The following SPEG variants were observed in gnomAD, a reference collection of about 807,000 sequenced individuals.
SPEG encodes the protein striated muscle preferentially expressed protein kinase.
Under a neutral mutation model 300.4 loss-of-function variants are expected in SPEG, and 114 were observed. The observed-to-expected ratio is 0.38, with a 90% confidence interval of 0.33 to 0.44. SPEG has a LOEUF of 0.44. Ranked by LOEUF, SPEG falls within the 20% of genes least tolerant of loss-of-function variation. The pLI, the probability that SPEG is intolerant of heterozygous loss-of-function variation, is 1.00. For missense variants in SPEG, 4,201 were observed against 4,586.2 expected (o/e 0.92, Z 2.43); for synonymous variants, 1,964 against 2,018.9 (o/e 0.97, Z 0.73).
At chr2:219,460,582 G>A in intron 6 of SPEG, 2 of 985,482 alleles carry the variant, frequency 2.0e-6, no homozygotes, top group Non-Finnish European at 2.4e-6. Context: ...GTCAGGGTCT[G>A]AAGCTGTAAG....
Position 219,473,040 on chromosome 2 carries a change from T to C in SPEG, c.4091T>C (p.Val1364Ala), listed in dbSNP as rs774278488. The C allele has an allele frequency of 1.3e-5, 21 of 1,613,764 alleles. No individual in the cohort carries two copies. The Admixed American group carries it at 3.5e-4, about 27-fold the overall frequency. ...ATCTTCCGGGTCCTCAGCACCACTG[T>C]CAAGAGCAGCAGCAAGCCCTCACCC... ...QHIFRVLSTTVKSSSKPSPPS... is the reference protein window; with the variant it reads ...QHIFRVLSTTAKSSSKPSPPS... Residue 1364 changes from valine to alanine, a missense_variant, in exon 16 of 41, where the codon GTC becomes GCC. By Grantham distance (64) the Val-to-Ala change is moderately conservative (BLOSUM62 0). This residue lies in a region of SPEG where 1,047 missense variants were observed against 1,356.8 expected (regional missense o/e 0.77). Transcript: ENST00000312358. The surrounding 1 kb of genome is among the most constrained non-coding windows in gnomAD (Gnocchi z 4.6).
chr2:219,454,665 A>G (rs1395373120), intron 6 of SPEG, among the ~76,000 whole-genome samples: 1 of 152,250 alleles, frequency 6.6e-6, no homozygotes, highest in African/African-American at 2.4e-5. Context: ...AAAGTGAGGT[A>G]GAGCTAGCAC....
intron 1 of SPEG, among the ~76,000 whole-genome samples, chr2:219,437,904 G>C (rs1954759559): frequency 6.6e-6 from 1 of 152,184 alleles, no homozygotes; most frequent in Non-Finnish European, 1.5e-5. Flanking sequence ...GAGGACTTCA[G>C]GGTACTCGAG....
chr2:219,477,089 G>A lies in SPEG; in HGVS notation c.4560+107G>A, dbSNP rs1327107812. The A allele has an allele frequency of 9.1e-7, 1 of 1,104,444 alleles. No individual in the cohort carries two copies. Among genetic ancestry groups the A allele is most frequent in the Non-Finnish European group, 1.3e-6 (1 of 776,774 alleles). 68.4% of individuals were successfully genotyped at this position (1,104,444 alleles called of 1,614,324 possible). A position where few individuals can be genotyped will look rare whatever the true frequency, so the allele number is the denominator to read the frequency against. On this transcript the variant is annotated intron_variant, in intron 19 of 40. Transcript: ENST00000312358. This position sits in a 1 kb window ranked among gnomAD's most constrained non-coding sequence, Gnocchi z 6.4. ...AGGGCGGAGCCCGGGCAGAGGCGTG[G>A]TTAGGAGGAGGAAAGGGGCTGCAGA...
rs992005411 is a variant in SPEG, at chr2:219,458,005, A to T, written c.2441-3877A>T. On this transcript the variant is annotated intron_variant, in intron 6 of 40. Coordinates refer to ENST00000312358, the MANE Select transcript of SPEG (RefSeq NM_005876.5). This position sits in a 1 kb window ranked among gnomAD's most constrained non-coding sequence, Gnocchi z 4.2. ...TTACCTGCTGCTCTCTTGCTACCTCATACTTCCTGCTTGCTCTTGTAGTCA... is the reference window on the plus strand; with the variant it reads ...TTACCTGCTGCTCTCTTGCTACCTCTTACTTCCTGCTTGCTCTTGTAGTCA... 7.2e-5 allele frequency among the ~76,000 whole-genome samples: 11 copies of T among 151,806 alleles called. No homozygotes were observed. In the South Asian group the frequency reaches 2.3e-3, roughly 32 times the overall value.
chr2:219,464,860 C>A lies in SPEG; in HGVS notation c.2881+252C>A, dbSNP rs756040120. 1.0e-4 allele frequency: 50 copies of A among 476,362 alleles called. No individual in the cohort carries two copies. The South Asian group carries it at 1.3e-3, about 13-fold the overall frequency. 29.5% of individuals were successfully genotyped at this position (476,362 alleles called of 1,614,324 possible). ...CACCACCTTCCCTGTTGCTCCATCA[C>A]GGAGCCCTGGCGGCAGCCAGAGACC... On this transcript the variant is annotated intron_variant, in intron 9 of 40. Coordinates refer to ENST00000312358, the MANE Select transcript of SPEG (RefSeq NM_005876.5). This position sits in a 1 kb window ranked among gnomAD's most constrained non-coding sequence, Gnocchi z 4.5.
At position 219,483,227 on chromosome 2, in the gene SPEG, T is replaced by G; in HGVS notation, c.5764T>G (p.Ser1922Ala). Residue 1922 changes from serine (S) to alanine (A), a missense_variant, in exon 30 of 41, where the codon TCG becomes GCG. Transcript: ENST00000312358. ...PPPSGGLSSS[S>A]DSEEEELEEL... ...CCCCAGTGGGGGGCTCTCATCCTCC[T>G]CGGATTCTGAAGAGGAAGAGCTGGA... is the stretch of plus-strand genomic sequence containing the variant. 6.2e-7 allele frequency: 1 copy of G among 1,610,482 alleles called. No homozygotes were observed.
intron 36 of SPEG, among the ~76,000 whole-genome samples, chr2:219,490,204 G>A (rs2125595670): frequency 6.6e-6 from 1 of 152,360 alleles, no homozygotes; most frequent in Non-Finnish European, 1.5e-5. Context: ...GGTTAGAGAA[G>A]CTATGGGATT....
chr2:219,438,020 C>G (rs989391568), intron 1 of SPEG, among the ~76,000 whole-genome samples: 1 of 152,032 alleles, frequency 6.6e-6, no homozygotes, highest in Non-Finnish European at 1.5e-5. Flanking sequence ...CTCCTGAAGC[C>G]GGATATGTTA....
At position 219,444,190 on chromosome 2, in the gene SPEG, G is replaced by A. The variant is rs1454206327; in HGVS notation, c.389-463G>A. 11 of 611,806 alleles carry A rather than the reference G, an allele frequency of 1.8e-5. No homozygotes were observed. In the East Asian group the frequency reaches 2.0e-4, roughly 11 times the overall value. 37.9% of individuals were successfully genotyped at this position (611,806 alleles called of 1,614,324 possible). A position where few individuals can be genotyped will look rare whatever the true frequency, so the allele number is the denominator to read the frequency against. On this transcript the variant is annotated intron_variant, in intron 1 of 40. Transcript: ENST00000312358. The surrounding 1 kb of genome is among the most constrained non-coding windows in gnomAD (Gnocchi z 7.8). Reference sequence around the variant, plus strand: ...TTGGGGTAGAGGACAGGCTGGCCCCGCGGTTGGTCGAGTGCCCTGGCAGTA... The same window carrying A: ...TTGGGGTAGAGGACAGGCTGGCCCCACGGTTGGTCGAGTGCCCTGGCAGTA...
Position 219,481,443 on chromosome 2 carries a change from G to A in SPEG, c.5509G>A (p.Val1837Met), listed in dbSNP as rs1692830781. The A allele has an allele frequency of 6.2e-7, 1 of 1,614,092 alleles. No individual in the cohort carries two copies. The highest frequency in any genetic ancestry group is 1.1e-5 in the South Asian group (1 of 91,076). ...EARGFLIKVLVQDRLRPTAEE... is the reference protein window; with the variant it reads ...EARGFLIKVLMQDRLRPTAEE... ...CCGGGGCTTCCTCATCAAAGTGTTG[G>A]TGCAGGACCGGCTGTGAGTACAAGG... The change falls in exon 27 of 41, where the codon GTG (valine) becomes ATG (methionine). Residue 1837 changes from valine to methionine, a missense_variant. By Grantham distance (21) the Val-to-Met change is conservative. Coordinates refer to ENST00000312358, the MANE Select transcript of SPEG (RefSeq NM_005876.5). The surrounding 1 kb of genome is among the most constrained non-coding windows in gnomAD (Gnocchi z 5.4).
In SPEG at chr2:219,492,928, T is replaced by C; in HGVS notation, c.*142T>C. 3.3e-6 allele frequency: 3 copies of C among 910,234 alleles called. No individual in the cohort carries two copies. The highest frequency in any genetic ancestry group is 5.2e-6 in the Non-Finnish European group (3 of 576,490). 56.4% of individuals were successfully genotyped at this position (910,234 alleles called of 1,614,324 possible). On this transcript the variant is annotated 3_prime_UTR_variant, in exon 41 of 41. Transcript: ENST00000312358. ...AACATCTGGCTGGGCTCTTACCTCA[T>C]AGACCTTCAAGGACAGAGACCCCAG... is the stretch of plus-strand genomic sequence containing the variant.
chr2:219,476,077 C>T (rs1318312632), intron 18 of SPEG, among the ~76,000 whole-genome samples: 1 of 152,128 alleles, frequency 6.6e-6, no homozygotes, highest in East Asian at 1.9e-4. Flanking sequence ...GGCTCCTTTG[C>T]AAAGCACATT....
rs1452299537 is a variant in SPEG at position 219,445,477 on chromosome 2, G to C, written c.815+316G>C. 7.0e-6 allele frequency: 3 copies of C among 427,588 alleles called. No individual in the cohort carries two copies. Among genetic ancestry groups the C allele is most frequent in the African/African-American group, 6.1e-5 (3 of 49,084 alleles). 26.5% of individuals were successfully genotyped at this position (427,588 alleles called of 1,614,324 possible). A position where few individuals can be genotyped will look rare whatever the true frequency, so the allele number is the denominator to read the frequency against. On this transcript the variant is annotated intron_variant, in intron 3 of 40. Transcript: ENST00000312358. This position sits in a 1 kb window ranked among gnomAD's most constrained non-coding sequence, Gnocchi z 6.1. ...GCCCTCTTTTGCCTCACCCATTTGGGCTCCAGTTGTCCCCAGGATCCCTCC... is the reference window on the plus strand; with the variant it reads ...GCCCTCTTTTGCCTCACCCATTTGGCCTCCAGTTGTCCCCAGGATCCCTCC...
In SPEG at chr2:219,441,956, C is replaced by A. The variant is rs527925732; in HGVS notation, c.389-2697C>A. ...TCCGCCACCCGCGCCGGCTCCCGCCCGCTCCCCAGCTCGCCCCCGGCCCCG... is the reference window on the plus strand; with the variant it reads ...TCCGCCACCCGCGCCGGCTCCCGCCAGCTCCCCAGCTCGCCCCCGGCCCCG... On this transcript the variant is annotated intron_variant, in intron 1 of 40. Coordinates refer to ENST00000312358, the MANE Select transcript of SPEG (RefSeq NM_005876.5). The A allele has an allele frequency of 1.6e-4, 50 of 306,240 alleles. 1 individual carries two copies. The East Asian group carries it at 3.2e-3, about 20-fold the overall frequency. 19.0% of individuals were successfully genotyped at this position (306,240 alleles called of 1,614,324 possible).
rs116097057 is a variant in SPEG at position 219,493,396 on chromosome 2, C to T, written c.*610C>T. 1,106 of 369,112 alleles carry T rather than the reference C, an allele frequency of 3.0e-3. 12 individuals carry two copies. The highest frequency in any genetic ancestry group is 0.021 in the African/African-American group (994 of 47,430). 22.9% of individuals were successfully genotyped at this position (369,112 alleles called of 1,614,324 possible). A position where few individuals can be genotyped will look rare whatever the true frequency, so the allele number is the denominator to read the frequency against. On this transcript the variant is annotated 3_prime_UTR_variant, in exon 41 of 41. Transcript: ENST00000312358. ...CTGGAGGCCAGCAGTCACTCACACT[C>T]GCTCTGTCCTCCTGTCCAGTGGATA...
chr2:219,435,430 C>G, intron 1 of SPEG, 65 bp downstream of exon 1: 1 of 1,461,536 alleles, frequency 6.8e-7, no homozygotes, highest in Non-Finnish European at 9.0e-7. Flanking sequence ...AAGGGCTGCC[C>G]AGGCCACGCG....
chr2:219,458,365 A>G lies in SPEG; in HGVS notation c.2441-3517A>G, dbSNP rs1346246435. On this transcript the variant is annotated intron_variant, in intron 6 of 40. Coordinates refer to ENST00000312358, the MANE Select transcript of SPEG (RefSeq NM_005876.5). This position sits in a 1 kb window ranked among gnomAD's most constrained non-coding sequence, Gnocchi z 4.2. ...AGGCCCCCAGACCAGCAGCATCAGC[A>G]TCACCTGAGTATGTGTTAGAAATGC... Among the ~76,000 whole-genome samples the G allele has an allele frequency of 2.0e-5, 3 of 151,580 alleles. No homozygotes were observed. The highest frequency in any genetic ancestry group is 2.1e-4 in the South Asian group (1 of 4,814).
intron 30 of SPEG, 21 bp downstream of exon 30, chr2:219,485,093 G>A: frequency 6.5e-7 from 1 of 1,529,830 alleles, no homozygotes; most frequent in African/African-American, 1.4e-5. Context: ...GCAGGGGTAG[G>A]GCAGCAGGTG....
Sources: gnomAD v4.1 joint callset for allele counts (sites outside exome capture counted in the v4.1 genomes callset) on GRCh38, gnomAD v4.1.1 for gene constraint, gnomAD v4.1.1 regional missense constraint, Gnocchi (gnomAD v3.1) non-coding constraint, MANE v1.5 for transcripts, NCBI Gene and HGNC (gene_info 2026-07-23, HGNC 2026-07-21) for gene names.